Variants in RCL1 observed in about 807,000 individuals in gnomAD.
RCL1 encodes RNA terminal phosphate cyclase like 1.
RCL1 carries 24 observed loss-of-function variants against 42.4 expected under a neutral mutation model. That is an observed-to-expected ratio of 0.57 (90% confidence interval 0.41 to 0.80). The LOEUF (loss-of-function observed/expected upper bound fraction) is 0.80. RCL1 is among the 30% of genes least tolerant of loss of function. The pLI, the probability that RCL1 is intolerant of heterozygous loss-of-function variation, is 0.00. For synonymous variants in RCL1, 228 were observed against 177.3 expected (o/e 1.29, Z -2.27); for missense variants, 578 against 467.9 (o/e 1.24, Z -2.17).
At chr9:4,820,246 G>T (rs1433304645) in intron 1 of RCL1, among the ~76,000 whole-genome samples, 1 of 152,180 alleles carries the variant, frequency 6.6e-6, no homozygotes, top group Non-Finnish European at 1.5e-5. Context: ...TGTGTGGGAG[G>T]TGAATGGGCA....
chr9:4,850,482 CT>C (rs112829690), intron 8 of RCL1: 1,275 of 114,478 alleles, frequency 0.011, 22 homozygotes, highest in African/African-American at 0.049. Context: ...CTTATGGAGG[CT>C]TTTTTTTTTC....
intron 3 of RCL1, among the ~76,000 whole-genome samples, chr9:4,828,401 C>A (rs188733777): frequency 6.6e-6 from 1 of 152,226 alleles, no homozygotes; most frequent in East Asian, 1.9e-4. Context: ...TTAATATGTT[C>A]TTAGGCAATA....
chr9:4,832,967 C>T (rs1816996123), intron 3 of RCL1, among the ~76,000 whole-genome samples, 187 bp from the exon 4 acceptor site: 1 of 152,098 alleles, frequency 6.6e-6, no homozygotes, highest in Non-Finnish European at 1.5e-5. Flanking sequence ...TCAGAGAAGC[C>T]CAGTGGCCTG....
At chr9:4,848,009 T>C (rs1817581053) in intron 7 of RCL1, among the ~76,000 whole-genome samples, 2 of 152,200 alleles carry the variant, frequency 1.3e-5, no homozygotes, top group South Asian at 2.1e-4. Flanking sequence ...ACTTCCTCCA[T>C]GATGTCCTGT....
chr9:4,808,497 A>G (rs1180705159), intron 1 of RCL1, among the ~76,000 whole-genome samples: 3 of 151,986 alleles, frequency 2.0e-5, no homozygotes, highest in African/African-American at 4.8e-5. Flanking sequence ...TTGTAGAGAC[A>G]GGGTTTCGCC....
In RCL1 at chr9:4,792,956, C is replaced by T; in HGVS notation, c.-136C>T. ...GTCTTCCTGTTCCAAACCACGTGGA[C>T]GCGTCTGGGCTGCTGGAGGCAGCCC... On this transcript the variant is annotated 5_prime_UTR_variant, in exon 1 of 9. In the 5' UTR this introduces an upstream ATG that the reference lacks. Coordinates refer to ENST00000381750, the MANE Select transcript of RCL1 (RefSeq NM_005772.5). 1.2e-6 allele frequency: 1 copy of T among 860,176 alleles called. No individual in the cohort carries two copies. Among genetic ancestry groups the T allele is most frequent in the Non-Finnish European group, 1.7e-6 (1 of 587,330 alleles). The allele number at this position is 860,176 out of a possible 1,614,324, so 53.3% of individuals were successfully genotyped here.
chr9:4,853,643 G>C (rs985941396), intron 8 of RCL1, among the ~76,000 whole-genome samples: 4 of 152,102 alleles, frequency 2.6e-5, no homozygotes, highest in African/African-American at 4.8e-5. Context: ...TCTTATGTAA[G>C]AGCTGGGATT....
intron 1 of RCL1, chr9:4,804,512 G>A (rs994502723): frequency 1.3e-5 from 2 of 152,402 alleles, no homozygotes; most frequent in Non-Finnish European, 2.9e-5. Context: ...GAACTTACAC[G>A]GGTTAAGTTC....
intron 1 of RCL1, among the ~76,000 whole-genome samples, chr9:4,813,766 T>C (rs567402581): frequency 2.0e-5 from 3 of 152,216 alleles, no homozygotes; most frequent in African/African-American, 7.2e-5. Context: ...CTATTCACAA[T>C]AGGAAAGACT....
intron 8 of RCL1, among the ~76,000 whole-genome samples, chr9:4,854,197 G>T (rs1817854238): frequency 2.6e-5 from 4 of 152,126 alleles, no homozygotes; most frequent in African/African-American, 9.7e-5. Context: ...TCTGAACTGG[G>T]CCTGGGACCC....
chr9:4,832,460 A>G lies in RCL1; in HGVS notation c.385-694A>G, dbSNP rs532067832. Among the ~76,000 whole-genome samples, 4 of 152,306 alleles carry G rather than the reference A, an allele frequency of 2.6e-5. No individual in the cohort carries two copies. The South Asian group carries it at 6.2e-4, about 24-fold the overall frequency. ...TCTAAACATTAAATAACCCTACTGGACAAATGTTAATGAAAAAGATGATTT... is the reference window on the plus strand; with the variant it reads ...TCTAAACATTAAATAACCCTACTGGGCAAATGTTAATGAAAAAGATGATTT... On this transcript the variant is annotated intron_variant, in intron 3 of 8. Coordinates refer to ENST00000381750, the MANE Select transcript of RCL1 (RefSeq NM_005772.5).
At chr9:4,834,110 C>G (rs1040371802) in intron 4 of RCL1, 31 bp from the exon 5 acceptor site, 2 of 1,605,184 alleles carry the variant, frequency 1.2e-6, no homozygotes, top group Non-Finnish European at 1.7e-6. Flanking sequence ...TTTGCTGCAT[C>G]CTCGCCTCAT....
At chr9:4,835,590 C>G (rs1183712355) in intron 5 of RCL1, among the ~76,000 whole-genome samples, 2 of 152,160 alleles carry the variant, frequency 1.3e-5, no homozygotes, top group Non-Finnish European at 2.9e-5. Context: ...CAGGGAGACT[C>G]CCTCCCTTTT....
intron 5 of RCL1, among the ~76,000 whole-genome samples, chr9:4,841,012 A>G (rs986947622): frequency 1.3e-5 from 2 of 152,018 alleles, no homozygotes; most frequent in Non-Finnish European, 2.9e-5. Context: ...CCAGCTTTAT[A>G]CTTTCCACTG....
intron 1 of RCL1, among the ~76,000 whole-genome samples, chr9:4,815,956 G>C (rs1012302173): frequency 6.6e-6 from 1 of 151,966 alleles, no homozygotes; most frequent in Non-Finnish European, 1.5e-5. Context: ...TAGAAGCTTG[G>C]CATTTCCTTC....
At chr9:4,811,579 G>A (rs1207502944) in intron 1 of RCL1, among the ~76,000 whole-genome samples, 2 of 152,132 alleles carry the variant, frequency 1.3e-5, no homozygotes, top group African/African-American at 2.4e-5. Flanking sequence ...TCTTCATGTT[G>A]CTGCCAGTGA....
At chr9:4,813,175 A>T (rs1386054353) in intron 1 of RCL1, among the ~76,000 whole-genome samples, 2 of 152,128 alleles carry the variant, frequency 1.3e-5, no homozygotes, top group East Asian at 1.9e-4. Context: ...AAGCTTTAAA[A>T]TTTCCCCCAT....
intron 1 of RCL1, among the ~76,000 whole-genome samples, chr9:4,806,842 T>G (rs1587697040): frequency 2.6e-5 from 4 of 152,344 alleles, no homozygotes; most frequent in Admixed American, 2.6e-4. Flanking sequence ...TTTTAATTCT[T>G]TAAATGTTTG....
intron 1 of RCL1, among the ~76,000 whole-genome samples, chr9:4,807,799 G>A (rs1374373840): frequency 7.2e-5 from 11 of 152,304 alleles, no homozygotes; most frequent in East Asian, 3.9e-4. Flanking sequence ...GATTACAGGC[G>A]TGAGCCCCCG....
Sources: gnomAD v4.1 joint callset for allele counts (sites outside exome capture counted in the v4.1 genomes callset) on GRCh38, gnomAD v4.1.1 for gene constraint, MANE v1.5 for transcripts, NCBI Gene and HGNC (gene_info 2026-07-23, HGNC 2026-07-21) for gene names.